RBFOX1: variants seen among roughly 807,000 people sequenced by gnomAD.
The protein encoded by RBFOX1 is RNA binding protein fox-1 homolog 1.
Under a neutral mutation model 57.7 loss-of-function variants are expected in RBFOX1, and 8 were observed. The observed-to-expected ratio is 0.14, with a 90% confidence interval of 0.08 to 0.25. The LOEUF is 0.25. Ranked by LOEUF, RBFOX1 falls within the 10% of genes least tolerant of loss-of-function variation. The pLI is 1.00. For synonymous variants in RBFOX1, 326 were observed against 222.4 expected, an observed-to-expected ratio of 1.47 and a Z score of -4.15; for missense variants, 611 against 548.5, an observed-to-expected ratio of 1.11 and a Z score of -1.14.
chr16:5,469,828 C>G (rs138083198), intron 2 of RBFOX1, among the ~76,000 whole-genome samples: 179 of 152,318 alleles, frequency 1.2e-3, no homozygotes, highest in African/African-American at 4.2e-3. Flanking sequence ...CATATCGTAG[C>G]ATTCTCTCCT....
chr16:7,101,517 G>A (rs1002110363), intron 4 of RBFOX1, among the ~76,000 whole-genome samples: 4 of 152,106 alleles, frequency 2.6e-5, no homozygotes, highest in Admixed American at 2.6e-4. Flanking sequence ...CTGTACCAAA[G>A]TGTATCCAAC....
intron 1 of RBFOX1, among the ~76,000 whole-genome samples, chr16:6,297,040 C>G (rs1352384096): frequency 6.6e-6 from 1 of 152,132 alleles, no homozygotes; most frequent in African/African-American, 2.4e-5. Context: ...TTCATGCCTC[C>G]CCTTTTTAGA....
chr16:7,704,421 TTTC>T (rs1458488968), intron 14 of RBFOX1, among the ~76,000 whole-genome samples: 1 of 152,204 alleles, frequency 6.6e-6, no homozygotes, highest in Non-Finnish European at 1.5e-5. Context: ...CCCAGAAAGT[TTTC>T]TTCTGTCTTG....
intron 2 of RBFOX1, among the ~76,000 whole-genome samples, chr16:5,579,545 C>T (rs1007275516): frequency 6.6e-6 from 1 of 152,076 alleles, no homozygotes; most frequent in African/African-American, 2.4e-5. Context: ...AACCCCCAAT[C>T]CTCTAGTCCA....
At chr16:7,084,216 C>T (rs768973405) in intron 4 of RBFOX1, among the ~76,000 whole-genome samples, 1 of 152,080 alleles carries the variant, frequency 6.6e-6, no homozygotes, top group African/African-American at 2.4e-5. Context: ...TAACAGAACA[C>T]TGTGCTGGTC....
chr16:6,933,694 G>A (rs1263397480), intron 3 of RBFOX1, among the ~76,000 whole-genome samples: 2 of 152,250 alleles, frequency 1.3e-5, no homozygotes, highest in African/African-American at 4.8e-5. Context: ...CAGCCTGGGG[G>A]ACAGCACGAG....
chr16:6,836,395 G>A lies in RBFOX1; in HGVS notation c.-16+181745G>A, dbSNP rs57139568. The stretch of plus-strand genomic sequence containing the variant: ...ACAGAAGCAACCAGAAACCCCATAG[G>A]GTTTTAACCTTGTTTTGTCATATTT... On this transcript the variant is annotated intron_variant, in intron 3 of 15. Transcript: ENST00000550418. Among the ~76,000 whole-genome samples, 1,060 of 152,262 alleles carry A rather than the reference G, an allele frequency of 7.0e-3. 13 individuals are homozygous for A. Among genetic ancestry groups the A allele is most frequent in the African/African-American group, 0.024 (999 of 41,538 alleles).
chr16:7,359,656 C>T (rs988178040), intron 4 of RBFOX1, among the ~76,000 whole-genome samples: 6 of 152,160 alleles, frequency 3.9e-5, no homozygotes, highest in African/African-American at 1.4e-4. Context: ...GTCTCTCCAT[C>T]AGCAATGTCA....
chr16:7,291,059 C>A (rs1293998457), intron 4 of RBFOX1, among the ~76,000 whole-genome samples: 1 of 152,100 alleles, frequency 6.6e-6, no homozygotes, highest in Non-Finnish European at 1.5e-5. Context: ...CAGTTTCAGC[C>A]AAAGAGCATA....
chr16:7,181,019 C>A (rs1186527273), intron 4 of RBFOX1, among the ~76,000 whole-genome samples: 1 of 152,182 alleles, frequency 6.6e-6, no homozygotes, highest in Non-Finnish European at 1.5e-5. Context: ...AATGTTGCGG[C>A]ATTGCAGTAA....
chr16:7,448,324 C>G (rs750516849), intron 4 of RBFOX1, among the ~76,000 whole-genome samples: 1 of 152,128 alleles, frequency 6.6e-6, no homozygotes, highest in Non-Finnish European at 1.5e-5. Context: ...AAAGACATAC[C>G]TGAAACTGGA....
intron 3 of RBFOX1, chr16:6,748,856 G>T (rs910422190): frequency 1.3e-5 from 2 of 152,130 alleles, no homozygotes. Flanking sequence ...TTTCAGCAAT[G>T]AGCAAGACTG....
At chr16:7,477,169 A>C (rs2062904494) in intron 4 of RBFOX1, among the ~76,000 whole-genome samples, 1 of 152,184 alleles carries the variant, frequency 6.6e-6, no homozygotes, top group African/African-American at 2.4e-5. Context: ...ACTACAAATA[A>C]ATGGCATTCT....
chr16:7,281,018 TCC>T (rs2095533363), intron 4 of RBFOX1, among the ~76,000 whole-genome samples: 1 of 126,114 alleles, frequency 7.9e-6, no homozygotes. Flanking sequence ...CTTCCTTCCT[TCC>T]GAGACAGAGT....
At chr16:6,968,105 G>A (rs1206558537) in intron 3 of RBFOX1, among the ~76,000 whole-genome samples, 1 of 152,094 alleles carries the variant, frequency 6.6e-6, no homozygotes, top group East Asian at 1.9e-4. Context: ...TGGATCTGTG[G>A]CTCTGAACTT....
chr16:5,786,520 G>T (rs1349393349), intron 3 of RBFOX1, among the ~76,000 whole-genome samples: 2 of 152,168 alleles, frequency 1.3e-5, no homozygotes, highest in African/African-American at 4.8e-5. Context: ...GTGTGTTTCT[G>T]CCTCGAGAGG....
chr16:7,592,899 C>A (rs1407820643), intron 7 of RBFOX1, among the ~76,000 whole-genome samples: 1 of 151,986 alleles, frequency 6.6e-6, no homozygotes, highest in African/African-American at 2.4e-5. Context: ...GTAGCCTCAA[C>A]CTCCTGGGCT....
At chr16:5,882,127 C>G (rs2057779340) in intron 4 of RBFOX1, among the ~76,000 whole-genome samples, 3 of 152,208 alleles carry the variant, frequency 2.0e-5, no homozygotes. Flanking sequence ...ACTACACAGC[C>G]AACCTTTGAA....
At chr16:7,549,712 TTCCACCTTC>T (rs1182688966) in intron 5 of RBFOX1, among the ~76,000 whole-genome samples, 1 of 152,108 alleles carries the variant, frequency 6.6e-6, no homozygotes, top group East Asian at 1.9e-4. Context: ...AGTTTAGTCT[TTCCACCTTC>T]TTCTGCCTGC....
Sources: allele counts gnomAD v4.1 joint callset (sites outside exome capture counted in the v4.1 genomes callset), GRCh38; gene constraint gnomAD v4.1.1; transcripts MANE v1.5; gene names NCBI Gene and HGNC (gene_info 2026-07-23, HGNC 2026-07-21).